ADGRV1: variants seen among roughly 807,000 people sequenced by gnomAD.
ADGRV1 encodes the protein G-protein coupled receptor 98.
A neutral mutation model predicts 596.2 loss-of-function variants in ADGRV1; 359 were observed. The ratio of observed to expected loss-of-function variants is 0.60; its 90% confidence interval spans 0.55 to 0.66. The LOEUF (loss-of-function observed/expected upper bound fraction) is 0.66. ADGRV1 is among the 30% of genes least tolerant of loss of function. ADGRV1 has a pLI of 0.00. For synonymous variants in ADGRV1, 2,681 were observed against 2,679.2 expected (o/e 1.00, Z -0.02); for missense variants, 7,274 against 7,575.6 (o/e 0.96, Z 1.48).
At chr5:90,888,258 T>G (rs927924598) in intron 83 of ADGRV1, among the ~76,000 whole-genome samples, 4 of 152,192 alleles carry the variant, frequency 2.6e-5, no homozygotes, top group Admixed American at 2.6e-4. Context: ...GAAAACTGAC[T>G]ACCATATAAC....
At chr5:90,970,956 A>C (rs1778916632) in intron 84 of ADGRV1, among the ~76,000 whole-genome samples, 1 of 152,204 alleles carries the variant, frequency 6.6e-6, no homozygotes. Context: ...AAAAACCTTG[A>C]AAAAAGATTT....
At chr5:90,816,477 T>G (rs1282001509) in intron 75 of ADGRV1, among the ~76,000 whole-genome samples, 1 of 151,958 alleles carries the variant, frequency 6.6e-6, no homozygotes, top group Non-Finnish European at 1.5e-5. Flanking sequence ...TTGTTACGTA[T>G]GTACACATGT....
chr5:90,724,089 C>T (rs1458935307), intron 45 of ADGRV1, among the ~76,000 whole-genome samples: 1 of 151,444 alleles, frequency 6.6e-6, no homozygotes. Context: ...AATTTAATAG[C>T]GTAAATTTTT....
chr5:90,601,973 G>A (rs1208617459), intron 1 of ADGRV1, among the ~76,000 whole-genome samples: 1 of 152,214 alleles, frequency 6.6e-6, no homozygotes, highest in Non-Finnish European at 1.5e-5. Context: ...ATGATCAAGA[G>A]CCTTATTAAC....
intron 61 of ADGRV1, among the ~76,000 whole-genome samples, chr5:90,777,433 C>A (rs1758365427): frequency 6.6e-6 from 1 of 152,050 alleles, no homozygotes; most frequent in African/African-American, 2.4e-5. Context: ...GGTAAATTTT[C>A]TTATGGGGGA....
intron 83 of ADGRV1, among the ~76,000 whole-genome samples, chr5:90,940,110 C>A (rs554085069): frequency 6.6e-6 from 1 of 152,290 alleles, no homozygotes; most frequent in African/African-American, 2.4e-5. Flanking sequence ...GTAAACAGCT[C>A]CTAGCATTTA....
chr5:90,995,117 C>T (rs1781306902), intron 85 of ADGRV1, among the ~76,000 whole-genome samples: 1 of 152,188 alleles, frequency 6.6e-6, no homozygotes, highest in Non-Finnish European at 1.5e-5. Context: ...ATCTCATGCT[C>T]CAGCTTTTCT....
At chr5:90,903,025 G>T (rs1771991636) in intron 83 of ADGRV1, among the ~76,000 whole-genome samples, 2 of 152,014 alleles carry the variant, frequency 1.3e-5, no homozygotes, top group South Asian at 2.1e-4. Flanking sequence ...CATTGAGTTG[G>T]CTTCAATACT....
At chr5:90,949,032 T>A (rs1173697998) in intron 83 of ADGRV1, among the ~76,000 whole-genome samples, 2 of 152,118 alleles carry the variant, frequency 1.3e-5, no homozygotes, top group Non-Finnish European at 2.9e-5. Flanking sequence ...ATTCATTCAA[T>A]GGAATACTAT....
At chr5:90,988,300 TATAG>T (rs1177138555) in intron 85 of ADGRV1, among the ~76,000 whole-genome samples, 2 of 152,258 alleles carry the variant, frequency 1.3e-5, no homozygotes, top group Non-Finnish European at 2.9e-5. Context: ...AGATGGATTT[TATAG>T]ATAGTGTGCA....
At chr5:90,936,613 A>G (rs1023874749) in intron 83 of ADGRV1, among the ~76,000 whole-genome samples, 2 of 151,602 alleles carry the variant, frequency 1.3e-5, no homozygotes, top group Non-Finnish European at 1.5e-5. Flanking sequence ...TTTTATCTTT[A>G]CTTGGCTTTT....
chr5:90,725,882 A>G (rs1751705624), intron 48 of ADGRV1, among the ~76,000 whole-genome samples: 1 of 152,216 alleles, frequency 6.6e-6, no homozygotes, highest in Non-Finnish European at 1.5e-5. Context: ...AACAATAAAA[A>G]TGAACATTTA....
intron 71 of ADGRV1, 130 bp downstream of exon 71, chr5:90,803,012 A>G: frequency 1.6e-6 from 1 of 617,914 alleles, no homozygotes; most frequent in East Asian, 3.0e-5. Flanking sequence ...CTCTGTGAAT[A>G]TCAAAGTAGA....
intron 87 of ADGRV1, among the ~76,000 whole-genome samples, chr5:91,141,630 T>C (rs942117997): frequency 7.9e-5 from 12 of 152,250 alleles, no homozygotes; most frequent in Admixed American, 7.2e-4. Flanking sequence ...AAATGCCTAC[T>C]CTTCACATAC....
chr5:90,685,030 G>A (rs1580728381), intron 28 of ADGRV1, among the ~76,000 whole-genome samples: 1 of 152,240 alleles, frequency 6.6e-6, no homozygotes, highest in Non-Finnish European at 1.5e-5. Flanking sequence ...AATTAGAAGA[G>A]CATCATTCTG....
At chr5:90,819,430 A>C (rs1763249224) in intron 75 of ADGRV1, among the ~76,000 whole-genome samples, 1 of 150,542 alleles carries the variant, frequency 6.6e-6, no homozygotes, top group African/African-American at 2.5e-5. Context: ...TTCTGCTCTG[A>C]TTTTAGTTAT....
Position 90,676,198 on chromosome 5 carries a change from T to G in ADGRV1, c.5432T>G (p.Leu1811Trp). 4 of 1,604,818 alleles carry G rather than the reference T, an allele frequency of 2.5e-6. No individual in the cohort carries two copies. Among genetic ancestry groups the G allele is most frequent in the Non-Finnish European group, 3.4e-6 (4 of 1,176,182 alleles). Residue 1811 changes from leucine (L) to tryptophan (W), a missense_variant, in exon 25 of 90, where the codon TTG (leucine) becomes TGG (tryptophan). Physicochemically the swap from Leu to Trp is moderately conservative, Grantham distance 61 (BLOSUM62 -2). This residue lies in a region of ADGRV1 where 3,643 missense variants were observed against 3,809.2 expected (regional missense o/e 0.96). Transcript: ENST00000405460. Reference protein sequence around the residue: ...EKSFKVELLNLEGGVAELFRV... With the variant: ...EKSFKVELLNWEGGVAELFRV... Reference sequence around the variant, plus strand: ...TCTTTTAAAGTTGAGTTGTTAAACTTGGAAGGAGGAGGTAAGGCTGGTGAT... The same window carrying G: ...TCTTTTAAAGTTGAGTTGTTAAACTGGGAAGGAGGAGGTAAGGCTGGTGAT...
At chr5:90,974,695 T>C (rs1205580210) in intron 84 of ADGRV1, among the ~76,000 whole-genome samples, 3 of 152,108 alleles carry the variant, frequency 2.0e-5, no homozygotes, top group East Asian at 1.9e-4. Flanking sequence ...ATACAAAAAG[T>C]AATTCAAGAT....
At chr5:90,774,128 A>T in intron 59 of ADGRV1, 58 bp from the exon 60 acceptor site, 1 of 885,596 alleles carries the variant, frequency 1.1e-6, no homozygotes, top group South Asian at 1.9e-5. Flanking sequence ...TAATGACAAC[A>T]TTCAAACTTT....
Sources: allele counts gnomAD v4.1 joint callset (sites outside exome capture counted in the v4.1 genomes callset), GRCh38; gene constraint gnomAD v4.1.1; regional missense constraint gnomAD v4.1.1; transcripts MANE v1.5; gene names NCBI Gene and HGNC (gene_info 2026-07-23, HGNC 2026-07-21).